The following SLC25A25 variants were observed in gnomAD, a reference collection of about 807,000 sequenced individuals.
SLC25A25 encodes solute carrier family 25 member 25.
SLC25A25 carries 32 observed loss-of-function variants against 57.7 expected under a neutral mutation model. The observed-to-expected ratio is 0.55, with a 90% CI of 0.42 to 0.74. The LOEUF is 0.74. Among genes scored for constraint, SLC25A25 ranks in the 30% least tolerant of loss-of-function variants. The pLI is 0.00. For synonymous variants in SLC25A25, 306 were observed against 291.2 expected, an observed-to-expected ratio of 1.05 and a Z score of -0.52; for missense variants, 556 against 701.3, an observed-to-expected ratio of 0.79 and a Z score of 2.34.
At position 128,101,016 on chromosome 9, in the gene SLC25A25, G is replaced by A; in HGVS notation, c.262-80G>A. ...TCTGCTCGCAATTAGTGAAGTCATT[G>A]CCTGGGGATGGGGCCCCACAAGGGA... On this transcript the variant is annotated intron_variant, in intron 1 of 10. Transcript: ENST00000373069. The surrounding 1 kb of genome is among the most constrained non-coding windows in gnomAD (Gnocchi z 4.9). 1 of 1,588,662 alleles carries A rather than the reference G, an allele frequency of 6.3e-7. No homozygotes were observed. The highest frequency in any genetic ancestry group is 1.1e-5 in the South Asian group (1 of 88,244).
chr9:128,100,784 A>C (rs985259951), intron 1 of SLC25A25: 45 of 343,256 alleles, frequency 1.3e-4, no homozygotes, highest in South Asian at 2.5e-4. Context: ...TCAGACTGAG[A>C]AAGTGCCCAG....
Position 128,099,122 on chromosome 9 carries a change from G to C in SLC25A25, c.262-1974G>C, listed in dbSNP as rs1373965535. 3 of 985,372 alleles carry C rather than the reference G, an allele frequency of 3.0e-6. No individual in the cohort carries two copies. Among genetic ancestry groups the C allele is most frequent in the Non-Finnish European group, 3.6e-6 (3 of 829,888 alleles). 61.0% of individuals were successfully genotyped at this position (985,372 alleles called of 1,614,324 possible). A position where few individuals can be genotyped will look rare whatever the true frequency, so the allele number is the denominator to read the frequency against. ...TGGTGGAGCTGCCCGTCCCTGGTGT[G>C]GGGGTGAGGGAGCCTCCCGCCTTCT... On this transcript the variant is annotated intron_variant, in intron 1 of 10. Coordinates refer to ENST00000373069, the MANE Select transcript of SLC25A25 (RefSeq NM_001330988.2). The surrounding 1 kb of genome is among the most constrained non-coding windows in gnomAD (Gnocchi z 6.8).
chr9:128,093,318 G>T (rs549721567), intron 1 of SLC25A25, among the ~76,000 whole-genome samples: 2 of 152,318 alleles, frequency 1.3e-5, no homozygotes, highest in East Asian at 3.9e-4. Context: ...AGACAAGATT[G>T]GAATGGCTGT....
At chr9:128,076,802 T>C (rs770711766) in intron 1 of SLC25A25, among the ~76,000 whole-genome samples, 8 of 152,172 alleles carry the variant, frequency 5.3e-5, no homozygotes, top group Non-Finnish European at 1.2e-4. Context: ...ATTATACTAA[T>C]GCGAATTTGG....
At chr9:128,076,764 G>A (rs910454174) in intron 1 of SLC25A25, among the ~76,000 whole-genome samples, 5 of 152,026 alleles carry the variant, frequency 3.3e-5, no homozygotes, top group African/African-American at 4.8e-5. Flanking sequence ...CACCACACCC[G>A]GCCCTAACTT....
intron 1 of SLC25A25, chr9:128,091,865 A>G: frequency 6.2e-7 from 1 of 1,605,592 alleles, no homozygotes; most frequent in Non-Finnish European, 8.5e-7. Flanking sequence ...TTTGGAGGAG[A>G]CCGTGATGTT....
At chr9:128,085,598 T>G (rs1225923129) in intron 1 of SLC25A25, among the ~76,000 whole-genome samples, 1 of 152,138 alleles carries the variant, frequency 6.6e-6, no homozygotes, top group African/African-American at 2.4e-5. Flanking sequence ...ACACCTAGTT[T>G]ATTATTTTTT....
rs911887496 is a variant in SLC25A25, at chr9:128,099,694, C to A, written c.262-1402C>A. On this transcript the variant is annotated intron_variant, in intron 1 of 10. Transcript: ENST00000373069. This position sits in a 1 kb window ranked among gnomAD's most constrained non-coding sequence, Gnocchi z 6.8. ...ACGCCCCTCACATTAGCCTTTTGATCGCGCCAGGTCATGGGGTATCTGTTC... is the reference window on the plus strand; with the variant it reads ...ACGCCCCTCACATTAGCCTTTTGATAGCGCCAGGTCATGGGGTATCTGTTC... Among the ~76,000 whole-genome samples, 1 of 152,200 alleles carries A rather than the reference C, an allele frequency of 6.6e-6. No homozygotes were observed. The highest frequency in any genetic ancestry group is 1.5e-5 in the Non-Finnish European group (1 of 68,034).
At chr9:128,081,042 C>G (rs1004263867) in intron 1 of SLC25A25, among the ~76,000 whole-genome samples, 5 of 152,202 alleles carry the variant, frequency 3.3e-5, no homozygotes, top group African/African-American at 1.2e-4. Context: ...CTCTTCCTCT[C>G]TAACCTACAG....
chr9:128,104,572 C>A, intron 6 of SLC25A25, among the ~76,000 whole-genome samples: 1 of 152,352 alleles, frequency 6.6e-6, no homozygotes, highest in African/African-American at 2.4e-5. Context: ...AGGACTTCCC[C>A]TCCTCTGTGA....
chr9:128,075,717 A>G (rs965579020), intron 1 of SLC25A25, among the ~76,000 whole-genome samples: 2 of 151,470 alleles, frequency 1.3e-5, no homozygotes, highest in Non-Finnish European at 2.9e-5. Context: ...TGTGGTGTGC[A>G]CCAGTAATCC....
chr9:128,092,000 T>A (rs1354769407), intron 1 of SLC25A25: 1 of 1,613,946 alleles, frequency 6.2e-7, no homozygotes, highest in Non-Finnish European at 8.5e-7. Context: ...GATGGCAAGC[T>A]TTTTGGGGAA....
chr9:128,074,955 G>A (rs1046120372), intron 1 of SLC25A25, among the ~76,000 whole-genome samples: 1 of 152,076 alleles, frequency 6.6e-6, no homozygotes, highest in African/African-American at 2.4e-5. Context: ...GGCCAACATA[G>A]TGAAACCCCG....
chr9:128,107,502 G>A lies in SLC25A25; in HGVS notation c.*58G>A. On this transcript the variant is annotated 3_prime_UTR_variant, in exon 11 of 11. Coordinates refer to ENST00000373069, the MANE Select transcript of SLC25A25 (RefSeq NM_001330988.2). ...GATCCTGGGCCGCAGCCTGGGGTGT[G>A]CAGCCATCTCATTCTGTGAATGTGC... The A allele has an allele frequency of 1.3e-6, 2 of 1,487,824 alleles. No homozygotes were observed. Among genetic ancestry groups the A allele is most frequent in the African/African-American group, 1.4e-5 (1 of 71,330 alleles). 92.2% of individuals were successfully genotyped at this position (1,487,824 alleles called of 1,614,324 possible).
chr9:128,102,014 CATGGCTCCGAGCACTT>C lies in SLC25A25; in HGVS notation c.477-62_477-47del, dbSNP rs1833818815. On this transcript the variant is annotated intron_variant, in intron 3 of 10. Transcript: ENST00000373069. The surrounding 1 kb of genome is among the most constrained non-coding windows in gnomAD (Gnocchi z 4.1). ...TCTGGGTGTGTGCTTGCTTCACTAA[CATGGCTCCGAGCACTT>C]ATGCGTGTTGTTTCTGCTCTCTCCT... The C allele has an allele frequency of 1.2e-5, 18 of 1,537,168 alleles. No individual in the cohort carries two copies. Among genetic ancestry groups the C allele is most frequent in the Non-Finnish European group, 1.5e-5 (17 of 1,134,996 alleles).
intron 1 of SLC25A25, among the ~76,000 whole-genome samples, chr9:128,092,705 G>A (rs10760536): frequency 1.3e-5 from 2 of 152,052 alleles, no homozygotes; most frequent in East Asian, 3.9e-4. Context: ...AGCCCAGAGC[G>A]TGAGTTACCA....
At chr9:128,073,507 G>A (rs988343315) in intron 1 of SLC25A25, among the ~76,000 whole-genome samples, 24 of 152,130 alleles carry the variant, frequency 1.6e-4, no homozygotes, top group Non-Finnish European at 7.3e-5. Context: ...CTTTTTAAAT[G>A]TTTGGCCATT....
At chr9:128,079,618 A>T (rs1833099594) in intron 1 of SLC25A25, among the ~76,000 whole-genome samples, 1 of 150,586 alleles carries the variant, frequency 6.6e-6, no homozygotes, top group African/African-American at 2.4e-5. Flanking sequence ...AAAAAAAAAA[A>T]AAAAAAAAAT....
At chr9:128,085,192 G>A (rs1833248677) in intron 1 of SLC25A25, among the ~76,000 whole-genome samples, 1 of 151,984 alleles carries the variant, frequency 6.6e-6, no homozygotes, top group Non-Finnish European at 1.5e-5. Flanking sequence ...TTAGCTGGGT[G>A]TGGTGGCGGG....
Sources: allele counts gnomAD v4.1 joint callset (sites outside exome capture counted in the v4.1 genomes callset), GRCh38; gene constraint gnomAD v4.1.1; non-coding constraint Gnocchi (gnomAD v3.1); transcripts MANE v1.5; gene names NCBI Gene and HGNC (gene_info 2026-07-23, HGNC 2026-07-21).